NFAT5: variants seen among roughly 807,000 people sequenced by gnomAD.
The protein encoded by NFAT5 is nuclear factor of activated T-cells 5.
Under a neutral mutation model 166.5 loss-of-function variants are expected in NFAT5, and 31 were observed. That is an observed-to-expected ratio of 0.19 (90% CI 0.14 to 0.25). NFAT5 has a LOEUF of 0.25. Among genes scored for constraint, NFAT5 ranks in the 10% least tolerant of loss-of-function variants. NFAT5 has a pLI of 1.00. For missense variants in NFAT5, 1,449 were observed against 1,821.8 expected (o/e 0.80, Z 3.72); for synonymous variants, 612 against 639.7 (o/e 0.96, Z 0.65).
intron 7 of NFAT5, among the ~76,000 whole-genome samples, chr16:69,660,603 A>G (rs916020709): frequency 6.6e-6 from 1 of 152,196 alleles, no homozygotes; most frequent in Non-Finnish European, 1.5e-5. Context: ...TCAATTATTA[A>G]TTATAATATT....
intron 3 of NFAT5, among the ~76,000 whole-genome samples, chr16:69,644,074 C>T (rs2035331476): frequency 6.6e-6 from 1 of 151,844 alleles, no homozygotes; most frequent in South Asian, 2.1e-4. Flanking sequence ...TTGCTTGAGC[C>T]CAAGAATTTG....
intron 3 of NFAT5, among the ~76,000 whole-genome samples, chr16:69,636,823 T>C (rs1262672512): frequency 2.6e-5 from 4 of 152,190 alleles, no homozygotes. Context: ...CACAAAGGTC[T>C]CTGACATGGC....
In NFAT5 at chr16:69,696,681, GTTA is replaced by G; in HGVS notation, c.*336_*338del. 6.5e-6 allele frequency: 1 copy of G among 152,690 alleles called. No individual in the cohort carries two copies. The highest frequency in any genetic ancestry group is 2.4e-5 in the African/African-American group (1 of 41,552). 9.5% of individuals were successfully genotyped at this position (152,690 alleles called of 1,614,324 possible). ...TTTAAATTCAAGGCTGGACCACTCA[GTTA>G]TTATTGCTATTAGAAAATAATATAT... On this transcript the variant is annotated 3_prime_UTR_variant, in exon 15 of 15. Transcript: ENST00000349945.
At chr16:69,592,091 T>C (rs897573679) in intron 2 of NFAT5, among the ~76,000 whole-genome samples, 43 of 149,850 alleles carry the variant, frequency 2.9e-4, no homozygotes, top group African/African-American at 1.0e-3. Context: ...TTTTTTTTTT[T>C]TTTTTTGAGA....
intron 2 of NFAT5, among the ~76,000 whole-genome samples, chr16:69,577,042 A>G (rs1444106486): frequency 1.3e-5 from 2 of 152,208 alleles, no homozygotes; most frequent in Non-Finnish European, 2.9e-5. Context: ...AATGTGAGCT[A>G]TGTGAATAGT....
At chr16:69,614,797 T>C (rs1294860452) in intron 2 of NFAT5, among the ~76,000 whole-genome samples, 1 of 152,166 alleles carries the variant, frequency 6.6e-6, no homozygotes, top group African/African-American at 2.4e-5. Flanking sequence ...TATATGTCCA[T>C]TTAGTTGTCA....
chr16:69,655,888 C>A, intron 6 of NFAT5, 89 bp downstream of exon 6: 7 of 906,630 alleles, frequency 7.7e-6, no homozygotes, highest in South Asian at 5.1e-5. Flanking sequence ...AGATTTTTTG[C>A]GTATTTTATT....
intron 2 of NFAT5, among the ~76,000 whole-genome samples, chr16:69,588,980 CTTTT>C (rs945918292): frequency 2.0e-4 from 7 of 34,336 alleles, no homozygotes; most frequent in Admixed American, 6.8e-4. Context: ...TTTCCTACTT[CTTTT>C]TTTTTTTTTT....
At chr16:69,574,634 T>C (rs1340835448) in intron 2 of NFAT5, among the ~76,000 whole-genome samples, 1 of 152,154 alleles carries the variant, frequency 6.6e-6, no homozygotes, top group East Asian at 1.9e-4. Flanking sequence ...TTTTATTTGT[T>C]CTTAATAGCT....
chr16:69,643,462 A>G (rs560910386), intron 3 of NFAT5, among the ~76,000 whole-genome samples: 3 of 152,054 alleles, frequency 2.0e-5, no homozygotes, highest in South Asian at 2.1e-4. Flanking sequence ...TTTTCATGGT[A>G]AATTTATGGA....
chr16:69,664,920 G>A (rs1415445677), intron 7 of NFAT5, among the ~76,000 whole-genome samples: 1 of 152,084 alleles, frequency 6.6e-6, no homozygotes, highest in Non-Finnish European at 1.5e-5. Context: ...CCAGCTACTC[G>A]GGAGGATGAG....
intron 2 of NFAT5, among the ~76,000 whole-genome samples, chr16:69,572,186 C>T (rs1238895556): frequency 2.0e-5 from 3 of 152,078 alleles, no homozygotes; most frequent in Non-Finnish European, 4.4e-5. Flanking sequence ...AAATTTAATA[C>T]GATGATTGCC....
At chr16:69,669,895 G>A in intron 7 of NFAT5, 82 bp from the exon 8 acceptor site, 1 of 1,242,386 alleles carries the variant, frequency 8.0e-7, no homozygotes, top group Non-Finnish European at 1.1e-6. Context: ...ACAACTCATA[G>A]AACCGGATGA....
intron 3 of NFAT5, among the ~76,000 whole-genome samples, chr16:69,633,413 A>G (rs1266838699): frequency 6.6e-6 from 1 of 152,240 alleles, no homozygotes; most frequent in Non-Finnish European, 1.5e-5. Flanking sequence ...AAGATTGAAA[A>G]TATAAGCAAA....
intron 2 of NFAT5, among the ~76,000 whole-genome samples, chr16:69,605,033 A>G (rs115022776): frequency 0.012 from 1,768 of 152,328 alleles, 23 homozygotes; most frequent in African/African-American, 0.037. Flanking sequence ...ATATGTGTAC[A>G]TGTATTTGTT....
At chr16:69,671,947 T>C (rs964858984) in intron 9 of NFAT5, among the ~76,000 whole-genome samples, 2 of 152,234 alleles carry the variant, frequency 1.3e-5, no homozygotes, top group Non-Finnish European at 2.9e-5. Context: ...AGGTTAGAAT[T>C]GATATGGTGT....
intron 3 of NFAT5, among the ~76,000 whole-genome samples, chr16:69,640,841 C>T (rs1343836940): frequency 2.0e-5 from 3 of 151,770 alleles, no homozygotes; most frequent in Non-Finnish European, 4.4e-5. Context: ...ATTAGCCGGG[C>T]GTGGTGGTGC....
intron 9 of NFAT5, among the ~76,000 whole-genome samples, chr16:69,672,846 T>A (rs1337343604): frequency 6.6e-6 from 1 of 152,220 alleles, no homozygotes; most frequent in Admixed American, 6.5e-5. Context: ...ATGATTGTTA[T>A]TCTTATGATA....
At chr16:69,592,730 A>T (rs2032547680) in intron 2 of NFAT5, among the ~76,000 whole-genome samples, 1 of 152,240 alleles carries the variant, frequency 6.6e-6, no homozygotes, top group Admixed American at 6.5e-5. Flanking sequence ...AAATATAAGA[A>T]TGCTTATTAA....
Sources: gnomAD v4.1 joint callset for allele counts (sites outside exome capture counted in the v4.1 genomes callset) on GRCh38, gnomAD v4.1.1 for gene constraint, MANE v1.5 for transcripts, NCBI Gene and HGNC (gene_info 2026-07-23, HGNC 2026-07-21) for gene names.